ARHGEF12: variants seen among roughly 807,000 people sequenced by gnomAD.
ARHGEF12 encodes the protein KMT2A/ARHGEF12 fusion protein.
A neutral mutation model predicts 211.2 loss-of-function variants in ARHGEF12; 66 were observed. The ratio of observed to expected loss-of-function variants is 0.31; its 90% CI spans 0.26 to 0.38. ARHGEF12 has a LOEUF of 0.38. Among genes scored for constraint, ARHGEF12 ranks in the 10% least tolerant of loss-of-function variants. ARHGEF12 has a pLI of 1.00. For missense variants in ARHGEF12, 1,429 were observed against 1,869.5 expected (o/e 0.76, Z 4.34); for synonymous variants, 592 against 638.4 (o/e 0.93, Z 1.09).
At chr11:120,401,666 A>C (rs1486854574) in intron 1 of ARHGEF12, among the ~76,000 whole-genome samples, 1 of 152,168 alleles carries the variant, frequency 6.6e-6, no homozygotes, top group East Asian at 1.9e-4. Context: ...ATTTCACTAC[A>C]TTTGAAAAAA....
intron 34 of ARHGEF12, 134 bp downstream of exon 34, chr11:120,476,882 T>C (rs1325902437): frequency 7.6e-6 from 5 of 656,756 alleles, no homozygotes; most frequent in Admixed American, 6.7e-5. Flanking sequence ...AGAGACGTTC[T>C]ACTATGAACT....
intron 30 of ARHGEF12, among the ~76,000 whole-genome samples, chr11:120,471,188 T>A (rs1224822783): frequency 6.6e-6 from 1 of 152,178 alleles, no homozygotes; most frequent in Non-Finnish European, 1.5e-5. Context: ...TTATTCATAA[T>A]AGCGAAAAGC....
At position 120,431,883 on chromosome 11, in the gene ARHGEF12, C is replaced by T. The variant is rs1164267055; in HGVS notation, c.896C>T (p.Ala299Val). ...AGGACTGACTGTAGCAGTGGAGATG[C>T]TTCTCGGCCCAGTAGTGACAATGCA... ...LGRTDCSSGD[A>V]SRPSSDNADS... The change falls in exon 11 of 41, where the codon GCT (alanine) becomes GTT (valine). Residue 299 changes from alanine (A) to valine (V), a missense_variant. This residue lies in a region of ARHGEF12 where 254 missense variants were observed against 286.4 expected (regional missense o/e 0.89). Transcript: ENST00000397843. 9 of 1,610,448 alleles carry T rather than the reference C, an allele frequency of 5.6e-6. No homozygotes were observed. Among genetic ancestry groups the T allele is most frequent in the Non-Finnish European group, 7.6e-6 (9 of 1,178,864 alleles).
At chr11:120,383,554 T>TA (rs1174401439) in intron 1 of ARHGEF12, among the ~76,000 whole-genome samples, 1 of 152,062 alleles carries the variant, frequency 6.6e-6, no homozygotes, top group African/African-American at 2.4e-5. Flanking sequence ...CATCAAGCAT[T>TA]AGATTTTCAT....
intron 32 of ARHGEF12, 124 bp from the exon 33 acceptor site, chr11:120,475,216 A>G: frequency 1.2e-6 from 1 of 831,674 alleles, no homozygotes; most frequent in South Asian, 1.9e-5. Flanking sequence ...GATAATATAC[A>G]AGTCAATTTT....
At position 120,469,320 on chromosome 11, in the gene ARHGEF12, G is replaced by A; in HGVS notation, c.2887G>A (p.Ala963Thr). 6.2e-7 allele frequency: 1 copy of A among 1,613,460 alleles called. No individual in the cohort carries two copies. Among genetic ancestry groups the A allele is most frequent in the Non-Finnish European group, 8.5e-7 (1 of 1,179,686 alleles). Residue 963 changes from alanine to threonine, a missense_variant, in exon 30 of 41, where the codon GCT (alanine) becomes ACT (threonine). This residue lies in a region of ARHGEF12 where 223 missense variants were observed against 444.6 expected (regional missense o/e 0.50). Coordinates refer to ENST00000397843, the MANE Select transcript of ARHGEF12 (RefSeq NM_015313.3). ...WPTEREKVKK[A>T]ADHCRQILNY... Reference sequence around the variant, plus strand: ...AACAGAAAGGGAGAAGGTGAAGAAAGCTGCAGATCACTGTCGTCAGATCTT... The same window carrying A: ...AACAGAAAGGGAGAAGGTGAAGAAAACTGCAGATCACTGTCGTCAGATCTT...
chr11:120,432,498 T>C (rs1486926638), intron 11 of ARHGEF12, among the ~76,000 whole-genome samples: 1 of 152,192 alleles, frequency 6.6e-6, no homozygotes, highest in Non-Finnish European at 1.5e-5. Context: ...AGTTCAGTAT[T>C]ACTTACCCAG....
chr11:120,398,582 G>A (rs1205295776), intron 1 of ARHGEF12, among the ~76,000 whole-genome samples: 1 of 152,030 alleles, frequency 6.6e-6, no homozygotes, highest in African/African-American at 2.4e-5. Flanking sequence ...TTTTTTTTGT[G>A]TGTGTGTGAT....
chr11:120,347,140 C>CT lies in ARHGEF12; in HGVS notation c.32+9867dup, dbSNP rs1451973527. The stretch of plus-strand genomic sequence containing the variant: ...CTCCCTTTCTTTCTTTCTTTCCTTC[C>CT]TTCCTTCCTTCCTTCCTTCCTTCCT... On this transcript the variant is annotated intron_variant, in intron 1 of 40. Coordinates refer to ENST00000397843, the MANE Select transcript of ARHGEF12 (RefSeq NM_015313.3). Among the ~76,000 whole-genome samples the CT allele has an allele frequency of 2.2e-4, 12 of 55,364 alleles. 1 individual carries two copies. Among genetic ancestry groups the CT allele is most frequent in the African/African-American group, 8.4e-4 (9 of 10,740 alleles). 36.3% of individuals were successfully genotyped at this position (55,364 alleles called of 152,430 possible). A position where few individuals can be genotyped will look rare whatever the true frequency, so the allele number is the denominator to read the frequency against.
chr11:120,376,023 G>A (rs184158009), intron 1 of ARHGEF12, among the ~76,000 whole-genome samples: 10 of 152,188 alleles, frequency 6.6e-5, no homozygotes, highest in East Asian at 1.9e-4. Flanking sequence ...CTCATGCCAA[G>A]GGTACTTACC....
intron 1 of ARHGEF12, among the ~76,000 whole-genome samples, chr11:120,352,941 CCTT>C (rs1485889613): frequency 2.0e-5 from 3 of 152,222 alleles, no homozygotes; most frequent in Admixed American, 6.5e-5. Context: ...AGCCCATTCC[CCTT>C]CTTCTTCCCA....
chr11:120,438,446 T>G (rs1565481865), intron 12 of ARHGEF12: 1 of 152,134 alleles, frequency 6.6e-6, no homozygotes, highest in Non-Finnish European at 1.5e-5. Context: ...CCCGGCCAGT[T>G]TCACCTGATT....
chr11:120,452,091 G>T (rs187937901), intron 22 of ARHGEF12, among the ~76,000 whole-genome samples: 3 of 152,162 alleles, frequency 2.0e-5, no homozygotes, highest in Non-Finnish European at 2.9e-5. Flanking sequence ...GAGGGAACTG[G>T]TCAGTAGTTA....
At position 120,431,482 on chromosome 11, in the gene ARHGEF12, A is replaced by G. The variant is rs76322389; in HGVS notation, c.784-289A>G. Among the ~76,000 whole-genome samples the G allele has an allele frequency of 8.9e-3, 1,353 of 152,310 alleles. 90 individuals are homozygous for G. In the South Asian group the frequency reaches 0.16, roughly 18 times the overall value. On this transcript the variant is annotated intron_variant, in intron 10 of 40. Coordinates refer to ENST00000397843, the MANE Select transcript of ARHGEF12 (RefSeq NM_015313.3). ...AATTATATAAATATAAATTACATAA[A>G]TTAACAAACCATTTTATCTTTTTGC...
chr11:120,449,733 C>T (rs901686803), intron 21 of ARHGEF12: 2 of 149,822 alleles, frequency 1.3e-5, no homozygotes, highest in African/African-American at 2.5e-5. Context: ...AAAAAAAAAA[C>T]GAAAACACAC....
chr11:120,409,327 G>A, intron 3 of ARHGEF12, 67 bp from the exon 4 acceptor site: 1 of 1,510,306 alleles, frequency 6.6e-7, no homozygotes, highest in Non-Finnish European at 9.1e-7. Flanking sequence ...TTTTCCCCAT[G>A]AATTTTTCCC....
rs1946803232 is a variant in ARHGEF12 at position 120,469,404 on chromosome 11, A to G, written c.2955+16A>G. 2 of 1,579,794 alleles carry G rather than the reference A, an allele frequency of 1.3e-6. No homozygotes were observed. Among genetic ancestry groups the G allele is most frequent in the Non-Finnish European group, 1.7e-6 (2 of 1,152,042 alleles). Reference sequence around the variant, plus strand: ...AAACAAGCAGGTAAAAAAGGAAAACAAGAAGGTACAGGATGACATTGGGAG... The same window carrying G: ...AAACAAGCAGGTAAAAAAGGAAAACGAGAAGGTACAGGATGACATTGGGAG... On this transcript the variant is annotated intron_variant, in intron 30 of 40. Coordinates refer to ENST00000397843, the MANE Select transcript of ARHGEF12 (RefSeq NM_015313.3).
intron 4 of ARHGEF12, among the ~76,000 whole-genome samples, chr11:120,414,143 G>T (rs1008839803): frequency 2.6e-5 from 4 of 152,122 alleles, no homozygotes; most frequent in African/African-American, 9.7e-5. Flanking sequence ...AAAAGAAATG[G>T]ATAGTATTTA....
chr11:120,345,317 G>A (rs1393940713), intron 1 of ARHGEF12, among the ~76,000 whole-genome samples: 3 of 152,168 alleles, frequency 2.0e-5, no homozygotes, highest in Admixed American at 6.5e-5. Context: ...TAATGAAATT[G>A]TGAGAATTTC....
Sources: allele counts gnomAD v4.1 joint callset (sites outside exome capture counted in the v4.1 genomes callset), GRCh38; gene constraint gnomAD v4.1.1; regional missense constraint gnomAD v4.1.1; transcripts MANE v1.5; gene names NCBI Gene and HGNC (gene_info 2026-07-23, HGNC 2026-07-21).